The following LPP variants were observed in gnomAD, a reference collection of about 807,000 sequenced individuals.
LPP encodes the protein LIM domain containing preferred translocation partner in lipoma, also known as lipoma-preferred partner.
LPP carries 38 observed loss-of-function variants against 60.4 expected under a neutral mutation model. The ratio of observed to expected loss-of-function variants is 0.63; its 90% CI spans 0.49 to 0.83. The LOEUF is 0.83. Among genes scored for constraint, LPP ranks in the 40% least tolerant of loss-of-function variants. LPP has a pLI of 0.00. For missense variants in LPP, 902 were observed against 783.6 expected, an observed-to-expected ratio of 1.15 and a Z score of -1.80; for synonymous variants, 328 against 290.8, an observed-to-expected ratio of 1.13 and a Z score of -1.30.
chr3:188,330,813 C>A (rs1759809015), intron 2 of LPP, among the ~76,000 whole-genome samples: 1 of 151,174 alleles, frequency 6.6e-6, no homozygotes, highest in African/African-American at 2.4e-5. Flanking sequence ...GAGATACTGC[C>A]TCAGAATAAG....
At position 188,407,779 on chromosome 3, in the gene LPP, TG is replaced by T. The variant is rs1217958898; in HGVS notation, c.193+1467del. ...CTTCCTCATTTATGGTTTTTTTTTT[TG>T]TTTGTTTGTTTTTTTTTTTTTTTTT... On this transcript the variant is annotated intron_variant, in intron 4 of 11. Transcript: ENST00000617246. 1.5e-3 allele frequency among the ~76,000 whole-genome samples: 77 copies of T among 50,880 alleles called. 2 individuals carry two copies. The highest frequency in any genetic ancestry group is 5.1e-3 in the South Asian group (5 of 974). The allele number at this position is 50,880 out of a possible 152,430, so 33.4% of individuals were successfully genotyped here.
At chr3:188,295,136 G>C (rs1048811639) in intron 2 of LPP, among the ~76,000 whole-genome samples, 1 of 152,178 alleles carries the variant, frequency 6.6e-6, no homozygotes, top group African/African-American at 2.4e-5. Context: ...TGAACGGTTC[G>C]TACACAAACA....
At chr3:188,843,718 C>T (rs1760690304) in intron 9 of LPP, among the ~76,000 whole-genome samples, 1 of 144,134 alleles carries the variant, frequency 6.9e-6, no homozygotes, top group Non-Finnish European at 1.5e-5. Flanking sequence ...ACCCGGGAGG[C>T]GGAGCTTGCA....
At chr3:188,240,342 AGTGTGTGT>A (rs75173733) in intron 2 of LPP, among the ~76,000 whole-genome samples, 6 of 143,660 alleles carry the variant, frequency 4.2e-5, no homozygotes, top group African/African-American at 1.6e-4. Flanking sequence ...TTTGGGTAAG[AGTGTGTGT>A]GTGTGTGTGT....
At chr3:188,259,710 T>A (rs1267902010) in intron 2 of LPP, among the ~76,000 whole-genome samples, 1 of 152,222 alleles carries the variant, frequency 6.6e-6, no homozygotes, top group African/African-American at 2.4e-5. Flanking sequence ...TGTTACTTTG[T>A]TCAATTCAGC....
chr3:188,397,455 TAGTC>T (rs1002093922), intron 3 of LPP, among the ~76,000 whole-genome samples: 3 of 152,280 alleles, frequency 2.0e-5, no homozygotes, highest in South Asian at 2.1e-4. Flanking sequence ...AAAGGCCACT[TAGTC>T]AGTATTTGTT....
chr3:188,688,284 C>T (rs1367535472), intron 7 of LPP, among the ~76,000 whole-genome samples: 3 of 152,214 alleles, frequency 2.0e-5, no homozygotes, highest in African/African-American at 7.2e-5. Context: ...TTTCCCTATG[C>T]AATGTCATCT....
chr3:188,602,007 G>A (rs2151224494), intron 6 of LPP, among the ~76,000 whole-genome samples: 1 of 149,786 alleles, frequency 6.7e-6, no homozygotes, highest in South Asian at 2.1e-4. Flanking sequence ...GGCAGAGGTT[G>A]CAGTGAGCTG....
intron 6 of LPP, among the ~76,000 whole-genome samples, chr3:188,551,391 A>C (rs1018104827): frequency 6.6e-6 from 1 of 152,166 alleles, no homozygotes; most frequent in African/African-American, 2.4e-5. Flanking sequence ...ATGGGGTAAA[A>C]GTCAAGATGA....
At chr3:188,604,935 G>A (rs1259173527) in intron 6 of LPP, among the ~76,000 whole-genome samples, 1 of 152,086 alleles carries the variant, frequency 6.6e-6, no homozygotes, top group Non-Finnish European at 1.5e-5. Flanking sequence ...GACATTCCTA[G>A]GAATCAGCTA....
chr3:188,438,865 C>T (rs193299591), intron 4 of LPP, among the ~76,000 whole-genome samples: 1 of 152,168 alleles, frequency 6.6e-6, no homozygotes, highest in East Asian at 1.9e-4. Flanking sequence ...AGCAGGTTCC[C>T]ATTAAATACC....
chr3:188,384,789 CAAAAAAAAAAAAAAAAAAAAA>C (rs561284077), intron 3 of LPP, among the ~76,000 whole-genome samples: 18 of 51,456 alleles, frequency 3.5e-4, no homozygotes, highest in East Asian at 3.4e-3. Flanking sequence ...GACTCTGTCT[CAAAAAAAAAAAAAAAAAAAAA>C]AAAAAAAAAA....
chr3:188,523,216 T>C (rs1312734291), intron 5 of LPP, among the ~76,000 whole-genome samples: 1 of 152,048 alleles, frequency 6.6e-6, no homozygotes, highest in Non-Finnish European at 1.5e-5. Context: ...CTGAAATCCA[T>C]GTTTAAAGAG....
At chr3:188,457,625 G>A (rs550768536) in intron 4 of LPP, among the ~76,000 whole-genome samples, 2 of 151,816 alleles carry the variant, frequency 1.3e-5, no homozygotes, top group East Asian at 3.9e-4. Context: ...AGGTGCGGTG[G>A]CTCACACCTG....
rs116510323 is a variant in LPP at position 188,769,740 on chromosome 3, G to A, written c.1410+9458G>A. Reference sequence around the variant, plus strand: ...TCAAAGAACTACTTTCTTTGGGACCGACATGAAGGGTTTAAACATTTGTGG... The same window carrying A: ...TCAAAGAACTACTTTCTTTGGGACCAACATGAAGGGTTTAAACATTTGTGG... On this transcript the variant is annotated intron_variant, in intron 9 of 11. Transcript: ENST00000617246. Among the ~76,000 whole-genome samples the A allele has an allele frequency of 9.2e-3, 1,404 of 152,260 alleles. 25 individuals carry two copies. The highest frequency in any genetic ancestry group is 0.032 in the African/African-American group (1,332 of 41,532).
intron 6 of LPP, among the ~76,000 whole-genome samples, chr3:188,582,005 A>C (rs6444303): frequency 2.6e-5 from 4 of 151,766 alleles, no homozygotes; most frequent in African/African-American, 9.7e-5. Context: ...TCTGTGGCAC[A>C]GTCAGGCCAT....
At chr3:188,570,603 A>G (rs1408308660) in intron 6 of LPP, among the ~76,000 whole-genome samples, 1 of 152,046 alleles carries the variant, frequency 6.6e-6, no homozygotes, top group Admixed American at 6.6e-5. Flanking sequence ...GGTAGCACAT[A>G]TATCTGAAAT....
chr3:188,771,037 G>T (rs1735779665), intron 9 of LPP, among the ~76,000 whole-genome samples: 1 of 152,098 alleles, frequency 6.6e-6, no homozygotes, highest in African/African-American at 2.4e-5. Context: ...AGATGGATCT[G>T]CATTCATTTG....
intron 9 of LPP, among the ~76,000 whole-genome samples, chr3:188,843,798 A>AAAAAAAAAAAAAAG (rs57942081): frequency 6.7e-6 from 1 of 148,744 alleles, no homozygotes; most frequent in East Asian, 2.0e-4. Context: ...AAAAAAAAAA[A>AAAAAAAAAAAAAAG]TCCTTCCTCT....
Sources: gnomAD v4.1 joint callset for allele counts (sites outside exome capture counted in the v4.1 genomes callset) on GRCh38, gnomAD v4.1.1 for gene constraint, MANE v1.5 for transcripts, NCBI Gene and HGNC (gene_info 2026-07-23, HGNC 2026-07-21) for gene names.